The following XYLT1 variants were observed in gnomAD, a reference collection of about 807,000 sequenced individuals.
XYLT1 encodes beta-D-xylosyltransferase 1.
Under a neutral mutation model 91.3 loss-of-function variants are expected in XYLT1, and 36 were observed. The observed-to-expected ratio is 0.39, with a 90% CI of 0.30 to 0.52. The LOEUF (loss-of-function observed/expected upper bound fraction) is 0.52. Among genes scored for constraint, XYLT1 ranks in the 20% least tolerant of loss-of-function variants. The pLI, the probability that XYLT1 is intolerant of heterozygous loss-of-function variation, is 0.68. For synonymous variants in XYLT1, 588 were observed against 532.0 expected (o/e 1.11, Z -1.45); for missense variants, 1,242 against 1,284.5 (o/e 0.97, Z 0.51).
At chr16:17,355,666 G>C (rs1245610731) in intron 2 of XYLT1, among the ~76,000 whole-genome samples, 1 of 152,000 alleles carries the variant, frequency 6.6e-6, no homozygotes, top group African/African-American at 2.4e-5. Context: ...GAATATTATT[G>C]CTTGAGACAG....
In XYLT1 at chr16:17,390,311, C is replaced by T. The variant is rs376716687; in HGVS notation, c.364-32261G>A. Among the ~76,000 whole-genome samples, 21 of 152,278 alleles carry T rather than the reference C, an allele frequency of 1.4e-4. No homozygotes were observed. The South Asian group carries it at 4.4e-3, about 32-fold the overall frequency. On this transcript the variant is annotated intron_variant, in intron 1 of 11. Transcript: ENST00000261381. ...TACGTGAATAAGCTGCCAGCAAGAA[C>T]GAGGCAGACACAGGAGGAATGAAAT...
At chr16:17,218,867 C>T (rs2032909175) in intron 3 of XYLT1, among the ~76,000 whole-genome samples, 1 of 152,148 alleles carries the variant, frequency 6.6e-6, no homozygotes, top group South Asian at 2.1e-4. Flanking sequence ...GTCATTTGTT[C>T]ATTTGATGAA....
At chr16:17,400,266 CA>C (rs1196925666) in intron 1 of XYLT1, among the ~76,000 whole-genome samples, 2 of 152,178 alleles carry the variant, frequency 1.3e-5, no homozygotes, top group African/African-American at 4.8e-5. Flanking sequence ...GTGACTAACA[CA>C]AATTATAGTA....
chr16:17,395,299 G>A (rs911036174), intron 1 of XYLT1, among the ~76,000 whole-genome samples: 1 of 152,112 alleles, frequency 6.6e-6, no homozygotes, highest in African/African-American at 2.4e-5. Context: ...CGAGATGAGA[G>A]CTGGATGGGG....
In XYLT1 at chr16:17,135,928, G is replaced by A. The variant is rs553876973; in HGVS notation, c.1765-1193C>T. On this transcript the variant is annotated intron_variant, in intron 8 of 11. Coordinates refer to ENST00000261381, the MANE Select transcript of XYLT1 (RefSeq NM_022166.4). The stretch of plus-strand genomic sequence containing the variant: ...CTTCATTTATAGAAGCAGGCAGTGG[G>A]CTGACTTTGGCCCCCAGGGCTAGAG... Among the ~76,000 whole-genome samples, 10 of 152,350 alleles carry A rather than the reference G, an allele frequency of 6.6e-5. No individual in the cohort carries two copies. The South Asian group carries it at 1.5e-3, about 22-fold the overall frequency.
Position 17,281,333 on chromosome 16 carries a change from T to C in XYLT1, c.403-21835A>G, listed in dbSNP as rs959038266. On this transcript the variant is annotated intron_variant, in intron 2 of 11. Transcript: ENST00000261381. ...GCTGGAGGCAGGCATCAGAGCTCCG[T>C]TGCCTGGCCACACCCGGGGTTGTGA... Among the ~76,000 whole-genome samples the C allele has an allele frequency of 4.6e-5, 7 of 151,804 alleles. No homozygotes were observed. In the East Asian group the frequency reaches 7.8e-4, roughly 17 times the overall value.
intron 2 of XYLT1, among the ~76,000 whole-genome samples, chr16:17,284,037 T>C (rs368188857): frequency 2.0e-5 from 3 of 152,178 alleles, no homozygotes; most frequent in Admixed American, 6.5e-5. Context: ...AGAGGTTGAG[T>C]TCTGAGCTAA....
At chr16:17,368,223 C>G (rs1012601099) in intron 1 of XYLT1, among the ~76,000 whole-genome samples, 10 of 152,142 alleles carry the variant, frequency 6.6e-5, no homozygotes, top group Non-Finnish European at 2.9e-5. Flanking sequence ...AGCTGCCTTC[C>G]TAGGACAGAA....
intron 1 of XYLT1, among the ~76,000 whole-genome samples, chr16:17,448,404 C>T (rs541374251): frequency 3.0e-4 from 46 of 152,082 alleles, no homozygotes; most frequent in African/African-American, 7.5e-4. Flanking sequence ...TGAGCCTGGG[C>T]GACACAGTAA....
intron 8 of XYLT1, among the ~76,000 whole-genome samples, chr16:17,135,419 G>A (rs899919747): frequency 2.0e-5 from 3 of 152,150 alleles, no homozygotes; most frequent in Admixed American, 6.5e-5. Flanking sequence ...CTGCTCAGGA[G>A]GCTGAGACAG....
At chr16:17,465,590 C>T (rs1295182755) in intron 1 of XYLT1, among the ~76,000 whole-genome samples, 5 of 145,446 alleles carry the variant, frequency 3.4e-5, no homozygotes, top group East Asian at 4.0e-4. Context: ...AATAACCTAA[C>T]GTATGCAAAA....
intron 2 of XYLT1, among the ~76,000 whole-genome samples, chr16:17,302,082 T>C (rs1177969292): frequency 6.6e-6 from 1 of 151,948 alleles, no homozygotes; most frequent in African/African-American, 2.4e-5. Context: ...CGTGGTGGCA[T>C]ACACCCTAGC....
intron 2 of XYLT1, among the ~76,000 whole-genome samples, chr16:17,338,940 C>T (rs890054240): frequency 6.6e-6 from 1 of 152,170 alleles, no homozygotes; most frequent in Non-Finnish European, 1.5e-5. Context: ...ATACTGCCCA[C>T]TCCTACATGA....
At chr16:17,337,900 C>T (rs1460925902) in intron 2 of XYLT1, among the ~76,000 whole-genome samples, 1 of 151,702 alleles carries the variant, frequency 6.6e-6, no homozygotes, top group Admixed American at 6.6e-5. Context: ...TCTCAGCCTC[C>T]CGAGTAGCTG....
At chr16:17,205,749 C>A (rs1286746410) in intron 3 of XYLT1, among the ~76,000 whole-genome samples, 1 of 152,114 alleles carries the variant, frequency 6.6e-6, no homozygotes, top group African/African-American at 2.4e-5. Context: ...CATCTACAAC[C>A]GGAATTTCCC....
intron 11 of XYLT1, 95 bp from the exon 12 acceptor site, chr16:17,109,112 T>C (rs1966819245): frequency 1.7e-6 from 2 of 1,211,188 alleles, no homozygotes; most frequent in Non-Finnish European, 2.2e-6. Flanking sequence ...CTGGGTGCCA[T>C]GCATCGCCTC....
intron 5 of XYLT1, among the ~76,000 whole-genome samples, chr16:17,197,240 C>T (rs1157250180): frequency 6.6e-6 from 1 of 151,998 alleles, no homozygotes; most frequent in Non-Finnish European, 1.5e-5. Flanking sequence ...GGACCCACCT[C>T]TGGGCTCAGC....
chr16:17,421,990 G>GA (rs2036256507), intron 1 of XYLT1, among the ~76,000 whole-genome samples: 1 of 151,858 alleles, frequency 6.6e-6, no homozygotes, highest in Non-Finnish European at 1.5e-5. Context: ...TGTCTGGCTA[G>GA]CTTTTTTTTT....
chr16:17,219,832 C>A (rs918874438), intron 3 of XYLT1, among the ~76,000 whole-genome samples: 1 of 152,062 alleles, frequency 6.6e-6, no homozygotes, highest in African/African-American at 2.4e-5. Context: ...AGTTCGAGAC[C>A]AGCCTGATCA....
Sources: allele counts gnomAD v4.1 joint callset (sites outside exome capture counted in the v4.1 genomes callset), GRCh38; gene constraint gnomAD v4.1.1; transcripts MANE v1.5; gene names NCBI Gene and HGNC (gene_info 2026-07-23, HGNC 2026-07-21).